Variants in OTUB2 observed in about 807,000 individuals in gnomAD.
OTUB2 encodes OTU deubiquitinase, ubiquitin aldehyde binding 2, also known as ubiquitin thioesterase OTUB2.
OTUB2 carries 21 observed loss-of-function variants against 25.1 expected under a neutral mutation model. The ratio of observed to expected loss-of-function variants is 0.84; its 90% CI spans 0.59 to 1.21. The LOEUF (loss-of-function observed/expected upper bound fraction) is 1.21. OTUB2 is among the 50% of genes most tolerant of loss of function. The probability of loss-of-function intolerance (pLI) is 0.00; values close to 1 mark genes in which losing one functional copy is unlikely to be tolerated. For synonymous variants in OTUB2, 122 were observed against 122.8 expected, an observed-to-expected ratio of 0.99 and a Z score of 0.04; for missense variants, 283 against 298.0, an observed-to-expected ratio of 0.95 and a Z score of 0.37.
chr14:94,041,689 A>G (rs6575385), intron 3 of OTUB2, among the ~76,000 whole-genome samples: 82,286 of 151,942 alleles, frequency 0.54, 24,510 homozygotes, highest in African/African-American at 0.81. Flanking sequence ...CCCGTTGCCT[A>G]CCCACCCTGA....
At position 94,043,886 on chromosome 14, in the gene OTUB2, G is replaced by C; in HGVS notation, c.219-85G>C. The C allele has an allele frequency of 6.3e-6, 8 of 1,272,444 alleles. No individual in the cohort carries two copies. The Admixed American group carries it at 1.0e-4, about 16-fold the overall frequency. The allele number at this position is 1,272,444 out of a possible 1,614,324, so 78.8% of individuals were successfully genotyped here. On this transcript the variant is annotated intron_variant, in intron 3 of 5. Coordinates refer to ENST00000203664, the MANE Select transcript of OTUB2 (RefSeq NM_023112.4). Reference sequence around the variant, plus strand: ...ACTAGAGATGAGGTTGGTGGGCGCAGTGGGTTGAGAGGGGGACGCACAGTT... The same window carrying C: ...ACTAGAGATGAGGTTGGTGGGCGCACTGGGTTGAGAGGGGGACGCACAGTT...
Position 94,039,018 on chromosome 14 carries a change from T to C in OTUB2, c.155T>C (p.Phe52Ser), listed in dbSNP as rs776560766. ...AAGACCAAAGGGGATGGGAACTGCT[T>C]CTACAGGGCCTTGGGCTATTCCTAC... ...IRKTKGDGNC[F>S]YRALGYSYLE... Residue 52 changes from phenylalanine (F) to serine (S), a missense_variant, in exon 3 of 6, where the codon TTC becomes TCC. By Grantham distance (155) the Phe-to-Ser change is radical. Transcript: ENST00000203664. 2 of 1,614,186 alleles carry C rather than the reference T, an allele frequency of 1.2e-6. No homozygotes were observed. Among genetic ancestry groups the C allele is most frequent in the South Asian group, 2.2e-5 (2 of 91,084 alleles).
chr14:94,037,491 G>C lies in OTUB2; in HGVS notation c.99+16G>C. On this transcript the variant is annotated intron_variant, in intron 2 of 5. Coordinates refer to ENST00000203664, the MANE Select transcript of OTUB2 (RefSeq NM_023112.4). ...GAAAATCGAGGTGAGGCAGAGGGCAGGGAGAAGAGCATCCGAAACTAAACA... is the reference window on the plus strand; with the variant it reads ...GAAAATCGAGGTGAGGCAGAGGGCACGGAGAAGAGCATCCGAAACTAAACA... The C allele has an allele frequency of 6.5e-7, 1 of 1,546,772 alleles. No homozygotes were observed. Among genetic ancestry groups the C allele is most frequent in the South Asian group, 1.1e-5 (1 of 88,998 alleles).
intron 3 of OTUB2, among the ~76,000 whole-genome samples, chr14:94,040,199 T>C (rs74712332): frequency 6.6e-6 from 1 of 152,152 alleles, no homozygotes; most frequent in Non-Finnish European, 1.5e-5. Context: ...TCAAAGAGGG[T>C]AGAAGTTGAG....
At position 94,042,637 on chromosome 14, in the gene OTUB2, C is replaced by T. The variant is rs185683154; in HGVS notation, c.219-1334C>T. Among the ~76,000 whole-genome samples, 1,263 of 152,246 alleles carry T rather than the reference C, an allele frequency of 8.3e-3. 45 individuals are homozygous for T. Among genetic ancestry groups the T allele is most frequent in the Admixed American group, 0.05 (771 of 15,302 alleles). On this transcript the variant is annotated intron_variant, in intron 3 of 5. Transcript: ENST00000203664. The stretch of plus-strand genomic sequence containing the variant: ...CTGGAGCTGCTTCTAGTACTCTGGC[C>T]ATGGGCCACCTAGCCGCAGCTGAAG...
At chr14:94,027,470 T>G (rs117993817) in intron 1 of OTUB2, among the ~76,000 whole-genome samples, 3,202 of 152,284 alleles carry the variant, frequency 0.021, 56 homozygotes, top group Admixed American at 0.043. Flanking sequence ...GGTTCAAGTC[T>G]CACTTCCACC....
Position 94,026,414 on chromosome 14 carries a change from G to A in OTUB2, c.-124G>A. ...GGAGCGGTCGGGTGTATTCTCCGCC[G>A]CCCCCACGCCCTCGAGGTCCCCGCC... On this transcript the variant is annotated 5_prime_UTR_variant, in exon 1 of 6. Coordinates refer to ENST00000203664, the MANE Select transcript of OTUB2 (RefSeq NM_023112.4). 3.1e-6 allele frequency: 4 copies of A among 1,285,036 alleles called. No homozygotes were observed. The highest frequency in any genetic ancestry group is 2.0e-6 in the Non-Finnish European group (2 of 1,014,798). 79.6% of individuals were successfully genotyped at this position (1,285,036 alleles called of 1,614,324 possible).
intron 3 of OTUB2, among the ~76,000 whole-genome samples, chr14:94,043,056 C>T (rs911800518): frequency 6.6e-6 from 1 of 152,188 alleles, no homozygotes; most frequent in African/African-American, 2.4e-5. Flanking sequence ...TAGGCAAATA[C>T]TCCTCCTTCT....
chr14:94,044,514 G>A, intron 4 of OTUB2, 72 bp from the exon 5 acceptor site: 1 of 1,460,434 alleles, frequency 6.8e-7, no homozygotes. Context: ...CGAAGGGAGG[G>A]AGCGGAGGGA....
intron 3 of OTUB2, 46 bp downstream of exon 3, chr14:94,039,127 C>A: frequency 7.0e-7 from 1 of 1,434,846 alleles, no homozygotes; most frequent in Non-Finnish European, 9.7e-7. Context: ...GTTCTCTGTG[C>A]TAGGTCAGCC....
intron 1 of OTUB2, among the ~76,000 whole-genome samples, chr14:94,035,058 T>C (rs2141409457): frequency 6.6e-6 from 1 of 152,266 alleles, no homozygotes; most frequent in South Asian, 2.1e-4. Flanking sequence ...GTCTGATTCC[T>C]CCTGATGGCT....
In OTUB2 at chr14:94,047,854, GC is replaced by G. The variant is rs1452699144; in HGVS notation, c.*1934del. 1 of 152,198 alleles carries G rather than the reference GC, an allele frequency of 6.6e-6. No homozygotes were observed. Among genetic ancestry groups the G allele is most frequent in the African/African-American group, 2.4e-5 (1 of 41,422 alleles). 9.4% of individuals were successfully genotyped at this position (152,198 alleles called of 1,614,324 possible). ...TGGAGAAATTCCCTCTAGGAGACTT[GC>G]CTGTGCTGTGCTTCCAGGTCACAGA... is the stretch of plus-strand genomic sequence containing the variant. On this transcript the variant is annotated 3_prime_UTR_variant, in exon 6 of 6. Transcript: ENST00000203664.
chr14:94,045,082 C>T (rs1885243762), intron 5 of OTUB2, among the ~76,000 whole-genome samples: 1 of 152,208 alleles, frequency 6.6e-6, no homozygotes, highest in Admixed American at 6.5e-5. Context: ...GTTTATGATG[C>T]ATGGTATTTA....
intron 3 of OTUB2, chr14:94,039,352 G>A (rs550169960): frequency 1.4e-4 from 71 of 505,488 alleles, no homozygotes; most frequent in African/African-American, 1.1e-3. Context: ...CAGGTGAGTC[G>A]CAGGGAGCAG....
chr14:94,043,188 T>C (rs551380494), intron 3 of OTUB2, among the ~76,000 whole-genome samples: 3 of 152,360 alleles, frequency 2.0e-5, no homozygotes, highest in African/African-American at 7.2e-5. Flanking sequence ...CCCAGGCCTC[T>C]GTATTCCCTT....
intron 1 of OTUB2, among the ~76,000 whole-genome samples, chr14:94,030,055 T>C (rs1435512741): frequency 6.6e-6 from 1 of 151,658 alleles, no homozygotes; most frequent in Non-Finnish European, 1.5e-5. Flanking sequence ...ACATGGGAGG[T>C]CGTTGTCAAA....
chr14:94,039,617 A>G (rs1006735702), intron 3 of OTUB2, among the ~76,000 whole-genome samples: 10 of 151,198 alleles, frequency 6.6e-5, no homozygotes, highest in Non-Finnish European at 1.3e-4. Context: ...TAGCAAGAAA[A>G]AAAAAAGCAA....
chr14:94,044,506 A>G (rs1268514550), intron 4 of OTUB2, 80 bp from the exon 5 acceptor site: 7 of 1,420,652 alleles, frequency 4.9e-6, no homozygotes, highest in East Asian at 2.3e-5. Flanking sequence ...GCTTCACGCG[A>G]AGGGAGGGAG....
At chr14:94,034,071 A>G (rs998059194) in intron 1 of OTUB2, among the ~76,000 whole-genome samples, 1 of 152,378 alleles carries the variant, frequency 6.6e-6, no homozygotes, top group East Asian at 1.9e-4. Context: ...GAGAAGAGAG[A>G]CTAGCAAAGT....
Sources: allele counts gnomAD v4.1 joint callset (sites outside exome capture counted in the v4.1 genomes callset), GRCh38; gene constraint gnomAD v4.1.1; transcripts MANE v1.5; gene names NCBI Gene and HGNC (gene_info 2026-07-23, HGNC 2026-07-21).